Variants in ZC3H3 observed in about 807,000 individuals in gnomAD.
The protein encoded by ZC3H3 is zinc finger CCCH-type containing 3, also known as zinc finger CCCH domain-containing protein 3.
ZC3H3 carries 36 observed loss-of-function variants against 77.3 expected under a neutral mutation model. That is an observed-to-expected ratio of 0.47 (90% CI 0.36 to 0.61). The LOEUF (loss-of-function observed/expected upper bound fraction) is 0.61. ZC3H3 is among the 20% of genes least tolerant of loss of function. ZC3H3 has a pLI of 0.00. For missense variants in ZC3H3, 1,331 were observed against 1,312.2 expected (o/e 1.01, Z -0.22); for synonymous variants, 626 against 555.2 (o/e 1.13, Z -1.79).
chr8:143,494,240 T>G lies in ZC3H3; in HGVS notation c.1715+13506A>C, dbSNP rs1322143803. 6.6e-6 allele frequency among the ~76,000 whole-genome samples: 1 copy of G among 152,194 alleles called. No homozygotes were observed. The highest frequency in any genetic ancestry group is 1.9e-4 in the East Asian group (1 of 5,188). Reference sequence around the variant, plus strand: ...CCTGGACCCAGCTTCAACAGAGACTTCCTGCCACCCTCAGGCCGAACTTCC... The same window carrying G: ...CCTGGACCCAGCTTCAACAGAGACTGCCTGCCACCCTCAGGCCGAACTTCC... On this transcript the variant is annotated intron_variant, in intron 4 of 11. Transcript: ENST00000262577. This position sits in a 1 kb window ranked among gnomAD's most constrained non-coding sequence, Gnocchi z 5.3.
Position 143,538,295 on chromosome 8 carries a change from C to T in ZC3H3, c.1072G>A (p.Glu358Lys). 6.2e-7 allele frequency: 1 copy of T among 1,612,964 alleles called. No homozygotes were observed. Among genetic ancestry groups the T allele is most frequent in the South Asian group, 1.1e-5 (1 of 91,092 alleles). The change falls in exon 2 of 12, where the codon GAG becomes AAG. Residue 358 changes from glutamate (E) to lysine (K), a missense_variant. Around this residue, in one of 3 missense-constraint regions of ZC3H3, gnomAD observed 978 missense variants for 915.5 expected, o/e 1.07. Transcript: ENST00000262577. ...VEKPQLIADPEPKPRKPATSS... is the reference protein window; with the variant it reads ...VEKPQLIADPKPKPRKPATSS... ...GTGGCTGGCTTCCTGGGCTTGGGCT[C>T]TGGGTCAGCTATGAGCTGCGGCTTC...
intron 11 of ZC3H3, among the ~76,000 whole-genome samples, chr8:143,438,324 G>A (rs1819637441): frequency 6.6e-6 from 1 of 152,082 alleles, no homozygotes; most frequent in Non-Finnish European, 1.5e-5. Context: ...GTCTAGCCAT[G>A]GTGCAGGCTC....
intron 5 of ZC3H3, among the ~76,000 whole-genome samples, chr8:143,471,185 G>A (rs1820552472): frequency 6.6e-6 from 1 of 152,260 alleles, no homozygotes; most frequent in Non-Finnish European, 1.5e-5. Context: ...ACTCTCCCAA[G>A]AAGTTAGGCA....
At chr8:143,525,299 C>T (rs1822377140) in intron 3 of ZC3H3, among the ~76,000 whole-genome samples, 2 of 152,236 alleles carry the variant, frequency 1.3e-5, no homozygotes, top group South Asian at 4.1e-4. Context: ...CCTCGGAGAG[C>T]CACAGGCGAG....
At chr8:143,491,787 G>C (rs1023272776) in intron 4 of ZC3H3, among the ~76,000 whole-genome samples, 8 of 152,366 alleles carry the variant, frequency 5.3e-5, no homozygotes, top group African/African-American at 1.7e-4. Context: ...GCCGGGTGCA[G>C]GGTGGGCCCT....
chr8:143,456,128 GA>G (rs1820112866), intron 9 of ZC3H3, among the ~76,000 whole-genome samples: 1 of 151,870 alleles, frequency 6.6e-6, no homozygotes, highest in Non-Finnish European at 1.5e-5. Flanking sequence ...ATCCCCCACA[GA>G]GAAGGGAAGA....
At chr8:143,509,206 T>A (rs1821799872) in intron 3 of ZC3H3, among the ~76,000 whole-genome samples, 1 of 152,072 alleles carries the variant, frequency 6.6e-6, no homozygotes, top group African/African-American at 2.4e-5. Flanking sequence ...AGAGTCCACA[T>A]CAGAGAGTCT....
chr8:143,514,991 C>A (rs550801790), intron 3 of ZC3H3, among the ~76,000 whole-genome samples: 2 of 152,248 alleles, frequency 1.3e-5, no homozygotes, highest in Non-Finnish European at 2.9e-5. Flanking sequence ...CCGGCCAGTG[C>A]CCCCACCATC....
intron 4 of ZC3H3, among the ~76,000 whole-genome samples, chr8:143,491,846 G>A (rs1001124942): frequency 6.6e-6 from 1 of 152,166 alleles, no homozygotes; most frequent in Non-Finnish European, 1.5e-5. Context: ...GCAGGCACAG[G>A]ACACCCTCGG....
chr8:143,450,545 G>A (rs1819961945), intron 9 of ZC3H3, among the ~76,000 whole-genome samples: 2 of 152,192 alleles, frequency 1.3e-5, no homozygotes, highest in South Asian at 4.2e-4. Context: ...TGTACAGGAA[G>A]CATGGCAGCA....
intron 3 of ZC3H3, among the ~76,000 whole-genome samples, chr8:143,517,639 G>A (rs1022898436): frequency 2.6e-5 from 4 of 152,332 alleles, no homozygotes; most frequent in African/African-American, 9.6e-5. Flanking sequence ...CCACTGGCCT[G>A]CAGCCCCAGC....
At chr8:143,450,097 T>A (rs112631898) in intron 9 of ZC3H3, among the ~76,000 whole-genome samples, 19,737 of 152,226 alleles carry the variant, frequency 0.13, 1,552 homozygotes, top group East Asian at 0.26. Flanking sequence ...TTTTCAGGTA[T>A]CTATATAGCA....
chr8:143,523,168 C>T (rs557552039), intron 3 of ZC3H3, among the ~76,000 whole-genome samples: 1 of 152,328 alleles, frequency 6.6e-6, no homozygotes, highest in Admixed American at 6.5e-5. Flanking sequence ...GCAGTGCTGG[C>T]CACTACTCCC....
Position 143,507,735 on chromosome 8 carries a change from A to G in ZC3H3, c.1715+11T>C. 2 of 1,552,008 alleles carry G rather than the reference A, an allele frequency of 1.3e-6. No individual in the cohort carries two copies. On this transcript the variant is annotated intron_variant, in intron 4 of 11. Coordinates refer to ENST00000262577, the MANE Select transcript of ZC3H3 (RefSeq NM_015117.3). Reference sequence around the variant, plus strand: ...CCCAGGCCTGCAGGAGCCTGCAGGAAGCCTTCCTACCTGGATAGTGAGAGC... The same window carrying G: ...CCCAGGCCTGCAGGAGCCTGCAGGAGGCCTTCCTACCTGGATAGTGAGAGC...
intron 3 of ZC3H3, among the ~76,000 whole-genome samples, chr8:143,510,630 G>T (rs938351440): frequency 6.6e-6 from 1 of 152,236 alleles, no homozygotes; most frequent in African/African-American, 2.4e-5. Flanking sequence ...GCGTGGGCAG[G>T]TGGCAAGGCT....
chr8:143,535,829 G>A (rs1822777292), intron 3 of ZC3H3, among the ~76,000 whole-genome samples: 1 of 152,258 alleles, frequency 6.6e-6, no homozygotes, highest in African/African-American at 2.4e-5. Context: ...AGTACCATGT[G>A]ACACTCAGAA....
At position 143,517,144 on chromosome 8, in the gene ZC3H3, C is replaced by T. The variant is rs577385606; in HGVS notation, c.1562-9245G>A. Among the ~76,000 whole-genome samples, 6 of 152,356 alleles carry T rather than the reference C, an allele frequency of 3.9e-5. No homozygotes were observed. The South Asian group carries it at 1.2e-3, about 32-fold the overall frequency. ...CTCAAGCAACACAAGCTGCTAGTTC[C>T]CGTTAATTATTGTGCGCGAGCCATC... On this transcript the variant is annotated intron_variant, in intron 3 of 11. Coordinates refer to ENST00000262577, the MANE Select transcript of ZC3H3 (RefSeq NM_015117.3).
rs758639988 is a variant in ZC3H3, at chr8:143,541,405, A to G, written c.17T>C (p.Ile6Thr). The G allele has an allele frequency of 6.2e-7, 1 of 1,611,744 alleles. No individual in the cohort carries two copies. The highest frequency in any genetic ancestry group is 1.3e-5 in the African/African-American group (1 of 74,710). ...CAGTAGGCGGATCTGCCGCCGTAAT[A>G]TCTCCTTTTCCTCCATCTCCCGAGT... The part of the protein sequence containing the change: MEEKE[I>T]LRRQIRLLQG... Residue 6 changes from isoleucine to threonine, a missense_variant, in exon 1 of 12, where the codon ATA (isoleucine) becomes ACA (threonine). Physicochemically the swap from Ile to Thr is moderately conservative, Grantham distance 89. Around this residue, in one of 3 missense-constraint regions of ZC3H3, gnomAD observed 978 missense variants for 915.5 expected, o/e 1.07. Coordinates refer to ENST00000262577, the MANE Select transcript of ZC3H3 (RefSeq NM_015117.3).
chr8:143,505,400 T>C (rs886750622), intron 4 of ZC3H3, among the ~76,000 whole-genome samples: 1 of 152,158 alleles, frequency 6.6e-6, no homozygotes, highest in Non-Finnish European at 1.5e-5. Flanking sequence ...CCTTTCTGCC[T>C]AAACAACCCC....
Sources: allele counts gnomAD v4.1 joint callset (sites outside exome capture counted in the v4.1 genomes callset), GRCh38; gene constraint gnomAD v4.1.1; regional missense constraint gnomAD v4.1.1; non-coding constraint Gnocchi (gnomAD v3.1); transcripts MANE v1.5; gene names NCBI Gene and HGNC (gene_info 2026-07-23, HGNC 2026-07-21).